CHD9: variants seen among roughly 807,000 people sequenced by gnomAD.
CHD9 encodes chromodomain helicase DNA binding protein 9.
A neutral mutation model predicts 316.1 loss-of-function variants in CHD9; 77 were observed. The observed-to-expected ratio is 0.24, with a 90% CI of 0.20 to 0.29. CHD9 has a LOEUF of 0.29. CHD9 is among the 10% of genes least tolerant of loss of function. CHD9 has a pLI of 1.00. For missense variants in CHD9, 2,763 were observed against 3,438.1 expected (o/e 0.80, Z 4.91); for synonymous variants, 1,129 against 1,158.3 (o/e 0.97, Z 0.51).
intron 1 of CHD9, among the ~76,000 whole-genome samples, chr16:53,105,630 T>C (rs1431384203): frequency 6.6e-6 from 1 of 152,138 alleles, no homozygotes; most frequent in Non-Finnish European, 1.5e-5. Flanking sequence ...GTTTTCAGCT[T>C]TTAAAAGAGC....
At chr16:53,074,561 G>A (rs2034364519) in intron 1 of CHD9, among the ~76,000 whole-genome samples, 1 of 152,214 alleles carries the variant, frequency 6.6e-6, no homozygotes, top group Non-Finnish European at 1.5e-5. Context: ...TCCCCATGCT[G>A]TGTGCAGTCT....
At position 53,123,051 on chromosome 16, in the gene CHD9, T is replaced by C. The variant is rs964143715; in HGVS notation, c.-164-32875T>C. Among the ~76,000 whole-genome samples, 5 of 150,804 alleles carry C rather than the reference T, an allele frequency of 3.3e-5. No individual in the cohort carries two copies. The Middle Eastern group carries it at 0.017, about 516-fold the overall frequency. On this transcript the variant is annotated intron_variant, in intron 1 of 38. Transcript: ENST00000447540. Reference sequence around the variant, plus strand: ...CTAATTTTTATATTTTTAGTACAGATGGGGATTCACCATGTTGGCCAAGCT... The same window carrying C: ...CTAATTTTTATATTTTTAGTACAGACGGGGATTCACCATGTTGGCCAAGCT...
At chr16:53,321,781 A>G (rs534170583) in intron 38 of CHD9, among the ~76,000 whole-genome samples, 151 bp downstream of exon 38, 49 of 152,224 alleles carry the variant, frequency 3.2e-4, no homozygotes, top group African/African-American at 1.1e-3. Flanking sequence ...ACATGTTGCA[A>G]ATTTCTCAGA....
At chr16:53,241,344 G>T (rs1330434850) in intron 12 of CHD9, among the ~76,000 whole-genome samples, 2 of 152,074 alleles carry the variant, frequency 1.3e-5, no homozygotes, top group African/African-American at 2.4e-5. Flanking sequence ...AAACTTTGGG[G>T]TAACCCAGAG....
intron 38 of CHD9, 102 bp downstream of exon 38, chr16:53,321,732 G>T: frequency 2.8e-6 from 2 of 714,596 alleles, no homozygotes; most frequent in Non-Finnish European, 4.1e-6. Context: ...CCATGAATTT[G>T]TGACAGCATT....
chr16:53,186,928 C>G (rs553985393), intron 2 of CHD9, among the ~76,000 whole-genome samples: 5 of 152,228 alleles, frequency 3.3e-5, no homozygotes, highest in African/African-American at 1.2e-4. Flanking sequence ...AGCCTCTTTC[C>G]TGTATAAATT....
Position 53,209,563 on chromosome 16 carries a change from A to C in CHD9, c.1534A>C (p.Lys512Gln), listed in dbSNP as rs188032975. Reference sequence around the variant, plus strand: ...CCAGGTGAGGGTCATGTCTGAGAAGAAGCAGAGAAAAAAGGTGGAATCAGA... The same window carrying C: ...CCAGGTGAGGGTCATGTCTGAGAAGCAGCAGAGAAAAAAGGTGGAATCAGA... The part of the protein sequence containing the change: ...NTQVRVMSEK[K>Q]QRKKVESESK... Residue 512 changes from lysine (K) to glutamine (Q), a missense_variant, in exon 3 of 39, where the codon AAG becomes CAG. Lys to Gln is a moderately conservative substitution (Grantham distance 53). Around this residue, in one of 15 missense-constraint regions of CHD9, gnomAD observed 859 missense variants for 890.4 expected, o/e 0.96. Transcript: ENST00000447540. The C allele has an allele frequency of 3.7e-6, 6 of 1,613,876 alleles. No individual in the cohort carries two copies. Among genetic ancestry groups the C allele is most frequent in the African/African-American group, 2.7e-5 (2 of 75,052 alleles).
At chr16:53,264,327 T>G (rs1264929129) in intron 20 of CHD9, among the ~76,000 whole-genome samples, 1 of 152,150 alleles carries the variant, frequency 6.6e-6, no homozygotes, top group Non-Finnish European at 1.5e-5. Context: ...GATAATATAG[T>G]ACAGTGATAC....
At chr16:53,234,992 G>C (rs986615754) in intron 10 of CHD9, 193 bp from the exon 11 acceptor site, 1 of 422,554 alleles carries the variant, frequency 2.4e-6, no homozygotes, top group Non-Finnish European at 4.1e-6. Context: ...AATGAGTCAG[G>C]AAATATACCT....
At chr16:53,244,787 C>T (rs750917041) in intron 13 of CHD9, among the ~76,000 whole-genome samples, 3 of 152,024 alleles carry the variant, frequency 2.0e-5, no homozygotes, top group African/African-American at 4.8e-5. Flanking sequence ...TGGGAAAGTA[C>T]ATTCCTAAAG....
rs531817055 is a variant in CHD9 at position 53,181,731 on chromosome 16, G to T, written c.1452+24190G>T. ...TCTAAAGCACTGTTTAATTTATTTA[G>T]TTGATAGTAATAATCCTCAAAATGT... is the stretch of plus-strand genomic sequence containing the variant. On this transcript the variant is annotated intron_variant, in intron 2 of 38. Transcript: ENST00000447540. 6.6e-5 allele frequency among the ~76,000 whole-genome samples: 10 copies of T among 152,218 alleles called. No individual in the cohort carries two copies. The South Asian group carries it at 2.1e-3, about 32-fold the overall frequency.
intron 1 of CHD9, among the ~76,000 whole-genome samples, chr16:53,151,471 G>A (rs181250113): frequency 3.3e-5 from 5 of 151,952 alleles, no homozygotes; most frequent in Admixed American, 1.3e-4. Flanking sequence ...GGCCAGGTTG[G>A]TCTCGAACTC....
In CHD9 at chr16:53,250,424, CA is replaced by C. The variant is rs1306135309; in HGVS notation, c.3861+362del. 2.7e-5 allele frequency: 5 copies of C among 183,326 alleles called. No homozygotes were observed. The Admixed American group carries it at 2.8e-4, about 10-fold the overall frequency. 11.4% of individuals were successfully genotyped at this position (183,326 alleles called of 1,614,324 possible). A position where few individuals can be genotyped will look rare whatever the true frequency, so the allele number is the denominator to read the frequency against. On this transcript the variant is annotated intron_variant, in intron 17 of 38. Coordinates refer to ENST00000447540, the MANE Select transcript of CHD9 (RefSeq NM_001308319.2). ...CAAGCATTCCTCCCATCTTGGCCTC[CA>C]AAAGTGCTGGGTTTACAGGCACGCA...
At chr16:53,227,507 C>G (rs1158015534) in intron 6 of CHD9, 41 bp from the exon 7 acceptor site, 1 of 1,476,982 alleles carries the variant, frequency 6.8e-7, no homozygotes, top group East Asian at 2.5e-5. Context: ...TATTCTGTGG[C>G]CTGTTTAAAA....
rs1317362664 is a variant in CHD9 at position 53,209,655 on chromosome 16, A to G, written c.1626A>G (p.Glu542=). ...EAIAKAKERG[E]RNIPRVMSPE... is the part of the protein sequence containing the mutation. ...TAGCAAAAGCAAAGGAGCGTGGGGA[A>G]CGCAATATTCCACGAGTAATGAGCC... Residue 542 remains glutamate, a synonymous_variant, in exon 3 of 39, where the codon GAA becomes GAG. Transcript: ENST00000447540. 1.9e-5 allele frequency: 30 copies of G among 1,613,810 alleles called. No homozygotes were observed. The highest frequency in any genetic ancestry group is 2.5e-5 in the Non-Finnish European group (30 of 1,179,852).
At chr16:53,303,462 T>G (rs1000879770) in intron 30 of CHD9, among the ~76,000 whole-genome samples, 2 of 152,140 alleles carry the variant, frequency 1.3e-5, no homozygotes, top group African/African-American at 4.8e-5. Flanking sequence ...ACATCCAGTA[T>G]TTTATGTTAC....
chr16:53,171,291 C>A (rs552490276), intron 2 of CHD9, among the ~76,000 whole-genome samples: 1 of 151,898 alleles, frequency 6.6e-6, no homozygotes, highest in Admixed American at 6.6e-5. Flanking sequence ...TGGTGGCGGG[C>A]GCCTGTAGTC....
intron 31 of CHD9, among the ~76,000 whole-genome samples, chr16:53,305,796 CG>C (rs2055912076): frequency 6.6e-6 from 1 of 152,142 alleles, no homozygotes; most frequent in Non-Finnish European, 1.5e-5. Flanking sequence ...GCATAACTTT[CG>C]GGGTTGCCGC....
At chr16:53,319,476 G>A (rs2057119840) in intron 37 of CHD9, among the ~76,000 whole-genome samples, 1 of 152,116 alleles carries the variant, frequency 6.6e-6, no homozygotes, top group South Asian at 2.1e-4. Flanking sequence ...TGTAGAGATA[G>A]CTTTTTCAGC....
Sources: allele counts gnomAD v4.1 joint callset (sites outside exome capture counted in the v4.1 genomes callset), GRCh38; gene constraint gnomAD v4.1.1; regional missense constraint gnomAD v4.1.1; transcripts MANE v1.5; gene names NCBI Gene and HGNC (gene_info 2026-07-23, HGNC 2026-07-21).